RIC1: variants seen among roughly 807,000 people sequenced by gnomAD.
RIC1 encodes the protein RIC1 partner of RAB6A GEF complex.
A neutral mutation model predicts 169.0 loss-of-function variants in RIC1; 88 were observed. The observed-to-expected ratio is 0.52, with a 90% confidence interval of 0.44 to 0.62. The LOEUF is 0.62. Ranked by LOEUF, RIC1 falls within the 20% of genes least tolerant of loss-of-function variation. RIC1 has a pLI of 0.00. For synonymous variants in RIC1, 790 were observed against 601.5 expected, an observed-to-expected ratio of 1.31 and a Z score of -4.59; for missense variants, 1,877 against 1,725.5, an observed-to-expected ratio of 1.09 and a Z score of -1.56.
chr9:5,666,332 G>A (rs1308935362), intron 2 of RIC1, among the ~76,000 whole-genome samples: 2 of 151,932 alleles, frequency 1.3e-5, no homozygotes, highest in African/African-American at 2.4e-5. Flanking sequence ...AATAATTTTT[G>A]TGTGCATTAT....
In RIC1 at chr9:5,720,238, T is replaced by A; in HGVS notation, c.497T>A (p.Leu166His). 6.2e-7 allele frequency: 1 copy of A among 1,613,236 alleles called. No individual in the cohort carries two copies. Among genetic ancestry groups the A allele is most frequent in the Non-Finnish European group, 8.5e-7 (1 of 1,179,156 alleles). ...GCTACTTCTGATGGACTTCTTCATC[T>A]TATTCACTGGGAAGGAATGACAAAT... is the stretch of plus-strand genomic sequence containing the variant. ...LVATSDGLLH[L>H]IHWEGMTNGR... The change falls in exon 5 of 26, where the codon CTT becomes CAT. Residue 166 changes from leucine to histidine, a missense_variant. Coordinates refer to ENST00000414202, the MANE Select transcript of RIC1 (RefSeq NM_020829.4).
intron 2 of RIC1, among the ~76,000 whole-genome samples, chr9:5,683,241 G>GT (rs1820973303): frequency 6.6e-6 from 1 of 152,166 alleles, no homozygotes; most frequent in African/African-American, 2.4e-5. Context: ...AGAGTTTCCG[G>GT]TTTTTCTGCT....
At chr9:5,632,862 A>G (rs189411173) in intron 1 of RIC1, among the ~76,000 whole-genome samples, 16 of 152,334 alleles carry the variant, frequency 1.1e-4, no homozygotes, top group African/African-American at 3.4e-4. Flanking sequence ...TCAGAATGGT[A>G]TCTTTGAATT....
chr9:5,751,625 G>A (rs1304660622), intron 12 of RIC1, among the ~76,000 whole-genome samples: 1 of 152,198 alleles, frequency 6.6e-6, no homozygotes, highest in Non-Finnish European at 1.5e-5. Context: ...AAAGTGCTGG[G>A]ATTACAGGCA....
At chr9:5,704,148 C>G (rs996481056) in intron 3 of RIC1, among the ~76,000 whole-genome samples, 1 of 151,530 alleles carries the variant, frequency 6.6e-6, no homozygotes. Flanking sequence ...AACATACTTT[C>G]ATTTGCTCTT....
Position 5,770,106 on chromosome 9 carries a change from G to C in RIC1, c.3444G>C (p.Lys1148Asn). ...CTGCAGTGGGAGAGCAGCTGTTAAA[G>C]TCTCAATCAGCTGACCCATTTTTGA... ...KYRTVGEQLL[K>N]SQSADPFLNL... The change falls in exon 23 of 26, where the codon AAG (lysine) becomes AAC (asparagine). Residue 1148 changes from lysine to asparagine, a missense_variant. This residue lies in a region of RIC1 where 681 missense variants were observed against 582.0 expected (regional missense o/e 1.17). Coordinates refer to ENST00000414202, the MANE Select transcript of RIC1 (RefSeq NM_020829.4). The C allele has an allele frequency of 6.2e-7, 1 of 1,612,838 alleles. No homozygotes were observed. Among genetic ancestry groups the C allele is most frequent in the East Asian group, 2.2e-5 (1 of 44,754 alleles).
chr9:5,755,035 T>A, intron 15 of RIC1, 105 bp downstream of exon 15: 2 of 655,630 alleles, frequency 3.1e-6, no homozygotes, highest in South Asian at 7.3e-5. Context: ...ACAAAACATT[T>A]TATTTTTTAA....
At chr9:5,701,352 T>A (rs2130772684) in intron 3 of RIC1, among the ~76,000 whole-genome samples, 1 of 152,324 alleles carries the variant, frequency 6.6e-6, no homozygotes, top group East Asian at 1.9e-4. Context: ...GGCTCACGCC[T>A]GCAATCTCAG....
At chr9:5,633,099 A>G (rs914066162) in intron 1 of RIC1, among the ~76,000 whole-genome samples, 2 of 152,222 alleles carry the variant, frequency 1.3e-5, no homozygotes, top group Non-Finnish European at 2.9e-5. Flanking sequence ...GAAATGGGCA[A>G]ATAATTACTA....
chr9:5,763,762 T>G lies in RIC1; in HGVS notation c.2735T>G (p.Leu912Arg), dbSNP rs749751609. 8.1e-6 allele frequency: 13 copies of G among 1,614,226 alleles called. No homozygotes were observed. The South Asian group carries it at 8.8e-5, about 11-fold the overall frequency. The change falls in exon 19 of 26, where the codon CTG becomes CGG. Residue 912 changes from leucine (L) to arginine (R), a missense_variant. Leu to Arg is a moderately radical substitution (Grantham distance 102). Coordinates refer to ENST00000414202, the MANE Select transcript of RIC1 (RefSeq NM_020829.4). The surrounding 1 kb of genome is among the most constrained non-coding windows in gnomAD (Gnocchi z 5.2). Reference sequence around the variant, plus strand: ...TGTGCCAGGAAGACCGAATATGCCCTGTGGAATTACCTTTTTGCAGCTGTT... The same window carrying G: ...TGTGCCAGGAAGACCGAATATGCCCGGTGGAATTACCTTTTTGCAGCTGTT... ...VHCARKTEYALWNYLFAAVGN... is the reference protein window; with the variant it reads ...VHCARKTEYARWNYLFAAVGN...
At chr9:5,683,810 G>A (rs1342807838) in intron 2 of RIC1, among the ~76,000 whole-genome samples, 7 of 152,178 alleles carry the variant, frequency 4.6e-5, no homozygotes, top group African/African-American at 1.7e-4. Context: ...CAACTTCCCG[G>A]CTGCTTTGTT....
intron 8 of RIC1, among the ~76,000 whole-genome samples, chr9:5,740,587 G>A (rs1421799337): frequency 6.6e-6 from 1 of 151,470 alleles, no homozygotes; most frequent in Non-Finnish European, 1.5e-5. Context: ...CAAAACTGAA[G>A]AACTTGGAGT....
chr9:5,664,245 A>G (rs1170983922), intron 2 of RIC1, among the ~76,000 whole-genome samples: 2 of 152,030 alleles, frequency 1.3e-5, no homozygotes, highest in Non-Finnish European at 2.9e-5. Flanking sequence ...CCCCATCTCT[A>G]CTAAAAATAC....
chr9:5,732,843 T>C (rs927844948), intron 7 of RIC1, among the ~76,000 whole-genome samples: 1 of 152,192 alleles, frequency 6.6e-6, no homozygotes, highest in East Asian at 1.9e-4. Context: ...TCATGACGCC[T>C]TCAAATTAGT....
intron 4 of RIC1, among the ~76,000 whole-genome samples, chr9:5,715,656 G>A (rs375437383): frequency 1.6e-3 from 236 of 152,228 alleles, no homozygotes; most frequent in African/African-American, 5.0e-3. Context: ...GCTTATAGGG[G>A]TAAGAGTACT....
At chr9:5,723,003 G>A (rs1319510854) in intron 6 of RIC1, among the ~76,000 whole-genome samples, 1 of 152,190 alleles carries the variant, frequency 6.6e-6, no homozygotes, top group Non-Finnish European at 1.5e-5. Context: ...TTTGAATAGT[G>A]CCACAATAAA....
chr9:5,674,607 G>C (rs1004801033), intron 2 of RIC1, among the ~76,000 whole-genome samples: 2 of 152,154 alleles, frequency 1.3e-5, no homozygotes, highest in African/African-American at 4.8e-5. Flanking sequence ...ACAGATAAAA[G>C]GTTAGGTTAC....
rs113394395 is a variant in RIC1 at position 5,654,528 on chromosome 9, G to T, written c.145-2055G>T. Among the ~76,000 whole-genome samples, 3 of 151,946 alleles carry T rather than the reference G, an allele frequency of 2.0e-5. No individual in the cohort carries two copies. In the South Asian group the frequency reaches 6.2e-4, roughly 32 times the overall value. On this transcript the variant is annotated intron_variant, in intron 1 of 25. Coordinates refer to ENST00000414202, the MANE Select transcript of RIC1 (RefSeq NM_020829.4). ...CTCCCAAAGTGTTGGGATTACAGGCGTGAGCCACTGTGCCCAGCTTTGTTT... is the reference window on the plus strand; with the variant it reads ...CTCCCAAAGTGTTGGGATTACAGGCTTGAGCCACTGTGCCCAGCTTTGTTT...
At chr9:5,750,621 CATA>C (rs1413122344) in intron 12 of RIC1, among the ~76,000 whole-genome samples, 1 of 151,706 alleles carries the variant, frequency 6.6e-6, no homozygotes, top group Non-Finnish European at 1.5e-5. Flanking sequence ...ATTTAAAAAT[CATA>C]ATAACAAATG....
Sources: gnomAD v4.1 joint callset for allele counts (sites outside exome capture counted in the v4.1 genomes callset) on GRCh38, gnomAD v4.1.1 for gene constraint, gnomAD v4.1.1 regional missense constraint, Gnocchi (gnomAD v3.1) non-coding constraint, MANE v1.5 for transcripts, NCBI Gene and HGNC (gene_info 2026-07-23, HGNC 2026-07-21) for gene names.